Variants in CDK14 observed in about 807,000 individuals in gnomAD.
The protein encoded by CDK14 is cyclin dependent kinase 14.
A neutral mutation model predicts 60.7 loss-of-function variants in CDK14; 34 were observed. That is an observed-to-expected ratio of 0.56 (90% CI 0.43 to 0.75). The LOEUF (loss-of-function observed/expected upper bound fraction) is 0.75, where lower values mean the gene tolerates loss of function less well. Among genes scored for constraint, CDK14 ranks in the 30% least tolerant of loss-of-function variants. The pLI is 0.00. For synonymous variants in CDK14, 197 were observed against 203.7 expected, an observed-to-expected ratio of 0.97 and a Z score of 0.28; for missense variants, 482 against 564.1, an observed-to-expected ratio of 0.85 and a Z score of 1.47.
At chr7:91,026,025 C>CT (rs5885753) in intron 10 of CDK14, among the ~76,000 whole-genome samples, 13,725 of 146,692 alleles carry the variant, frequency 0.094, 695 homozygotes, top group African/African-American at 0.13. Context: ...ACTAAGTTAC[C>CT]TTTTTTTTTT....
intron 2 of CDK14, among the ~76,000 whole-genome samples, chr7:90,688,491 T>A (rs1053817810): frequency 1.2e-4 from 18 of 152,190 alleles, no homozygotes; most frequent in African/African-American, 2.2e-4. Flanking sequence ...TTCTCTTTTT[T>A]AAAAAATTGT....
At chr7:90,673,910 A>T (rs1452353904) in intron 2 of CDK14, among the ~76,000 whole-genome samples, 1 of 152,236 alleles carries the variant, frequency 6.6e-6, no homozygotes, top group Non-Finnish European at 1.5e-5. Flanking sequence ...GATATCAAGG[A>T]CCTAATAAGC....
chr7:90,651,806 A>G (rs938122828), intron 2 of CDK14, among the ~76,000 whole-genome samples: 2 of 152,020 alleles, frequency 1.3e-5, no homozygotes, highest in South Asian at 2.1e-4. Flanking sequence ...CTCTTAGAGC[A>G]GGCCTCCAGG....
chr7:90,943,134 T>G (rs1157520172), intron 8 of CDK14, among the ~76,000 whole-genome samples: 1 of 152,196 alleles, frequency 6.6e-6, no homozygotes, highest in East Asian at 1.9e-4. Context: ...CGTATAATAA[T>G]TCATAGCCTG....
chr7:90,735,913 C>T (rs1034348971), intron 3 of CDK14, among the ~76,000 whole-genome samples: 6 of 152,212 alleles, frequency 3.9e-5, no homozygotes, highest in South Asian at 2.1e-4. Flanking sequence ...TCTGCCCAAA[C>T]GGCTGCCCAG....
chr7:91,176,276 A>C (rs548820399), intron 14 of CDK14, among the ~76,000 whole-genome samples: 2 of 152,220 alleles, frequency 1.3e-5, no homozygotes, highest in Non-Finnish European at 1.5e-5. Context: ...GCAAAGACAC[A>C]ACATACCAGA....
At chr7:90,707,556 T>TA (rs1801925684) in intron 2 of CDK14, among the ~76,000 whole-genome samples, 1 of 152,192 alleles carries the variant, frequency 6.6e-6, no homozygotes, top group South Asian at 2.1e-4. Flanking sequence ...TTCTATTGGA[T>TA]AAAATGGCAA....
intron 14 of CDK14, among the ~76,000 whole-genome samples, chr7:91,193,048 T>C (rs1802419958): frequency 1.3e-5 from 2 of 152,234 alleles, no homozygotes; most frequent in African/African-American, 2.4e-5. Context: ...TAGGAAATCA[T>C]GTAAGCCTTA....
chr7:91,176,578 A>G (rs1266433232), intron 14 of CDK14, among the ~76,000 whole-genome samples: 5 of 151,670 alleles, frequency 3.3e-5, no homozygotes, highest in South Asian at 2.1e-4. Context: ...TAATAAAGAA[A>G]AAAAGAGAGA....
Position 90,694,281 on chromosome 7 carries a change from C to G in CDK14, c.124-32286C>G, listed in dbSNP as rs1801613446. Among the ~76,000 whole-genome samples the G allele has an allele frequency of 2.6e-5, 4 of 152,082 alleles. No homozygotes were observed. The South Asian group carries it at 8.3e-4, about 32-fold the overall frequency. ...GATTACATTATAAATACTAAGGAAACAGAAGCAGCAAAGAGGAATAGAAGG... is the reference window on the plus strand; with the variant it reads ...GATTACATTATAAATACTAAGGAAAGAGAAGCAGCAAAGAGGAATAGAAGG... On this transcript the variant is annotated intron_variant, in intron 2 of 14. Transcript: ENST00000380050.
chr7:91,139,785 C>CCTTT (rs71292993), intron 14 of CDK14, among the ~76,000 whole-genome samples: 9,048 of 146,296 alleles, frequency 0.062, 304 homozygotes, highest in South Asian at 0.099. Flanking sequence ...TTTTTTCTTT[C>CCTTT]CTTTCTTTCT....
chr7:90,991,474 CAGAAG>C lies in CDK14; in HGVS notation c.1041+7238_1041+7242del, dbSNP rs575105836. Among the ~76,000 whole-genome samples the C allele has an allele frequency of 3.1e-3, 475 of 152,082 alleles. 1 individual carries two copies. Among genetic ancestry groups the C allele is most frequent in the Admixed American group, 7.2e-3 (110 of 15,254 alleles). On this transcript the variant is annotated intron_variant, in intron 10 of 14. Transcript: ENST00000380050. The stretch of plus-strand genomic sequence containing the variant: ...TGACACAAATCAAGGGAAGGGTGAC[CAGAAG>C]AGAAATGAAGGGTAAGAACAGAAAA...
intron 10 of CDK14, among the ~76,000 whole-genome samples, chr7:91,023,785 G>T (rs1054220925): frequency 6.6e-6 from 1 of 151,958 alleles, no homozygotes; most frequent in Non-Finnish European, 1.5e-5. Flanking sequence ...TTTTATTTTT[G>T]AGATGGAGTC....
At chr7:90,995,467 A>G (rs1041302179) in intron 10 of CDK14, among the ~76,000 whole-genome samples, 1 of 152,206 alleles carries the variant, frequency 6.6e-6, no homozygotes, top group Non-Finnish European at 1.5e-5. Context: ...CTGTAAGATA[A>G]TAAGTGTTTG....
intron 5 of CDK14, among the ~76,000 whole-genome samples, chr7:90,809,255 A>C (rs1173127857): frequency 3.3e-5 from 5 of 152,184 alleles, no homozygotes; most frequent in African/African-American, 1.2e-4. Context: ...GAAGAACAGA[A>C]GTTATAACAA....
intron 10 of CDK14, among the ~76,000 whole-genome samples, chr7:91,026,192 G>A (rs1247536628): frequency 2.6e-5 from 4 of 152,168 alleles, no homozygotes; most frequent in African/African-American, 9.7e-5. Flanking sequence ...CTGCCTTCTT[G>A]AGAGATCAGA....
At position 91,210,033 on chromosome 7, in the gene CDK14, C is replaced by CT. The variant is rs2116043199; in HGVS notation, c.*2900dup. On this transcript the variant is annotated 3_prime_UTR_variant, in exon 15 of 15. Coordinates refer to ENST00000380050, the MANE Select transcript of CDK14 (RefSeq NM_001287135.2). ...CTGTGAATATTATTGGTTTTGTAAT[C>CT]TTTGTTATATAAGAGGATGTTTAGG... 1 of 152,694 alleles carries CT rather than the reference C, an allele frequency of 6.5e-6. No individual in the cohort carries two copies. The highest frequency in any genetic ancestry group is 6.5e-5 in the Admixed American group (1 of 15,292). 9.5% of individuals were successfully genotyped at this position (152,694 alleles called of 1,614,324 possible).
chr7:91,140,840 A>T (rs987268078), intron 14 of CDK14, among the ~76,000 whole-genome samples: 1 of 152,180 alleles, frequency 6.6e-6, no homozygotes, highest in Admixed American at 6.5e-5. Context: ...AGTCTGTATA[A>T]ATAAAAGACA....
At chr7:91,135,077 C>T (rs1214778496) in intron 14 of CDK14, among the ~76,000 whole-genome samples, 1 of 151,950 alleles carries the variant, frequency 6.6e-6, no homozygotes, top group Non-Finnish European at 1.5e-5. Context: ...TGTAACTTTC[C>T]ATGCAGTGCT....
Sources: gnomAD v4.1 joint callset for allele counts (sites outside exome capture counted in the v4.1 genomes callset) on GRCh38, gnomAD v4.1.1 for gene constraint, MANE v1.5 for transcripts, NCBI Gene and HGNC (gene_info 2026-07-23, HGNC 2026-07-21) for gene names.